Variants in ETNK1 observed in about 807,000 individuals in gnomAD.
ETNK1 encodes the protein ethanolamine kinase 1.
A neutral mutation model predicts 45.1 loss-of-function variants in ETNK1; 8 were observed. The observed-to-expected ratio is 0.18, with a 90% CI of 0.10 to 0.32. The LOEUF is 0.32. Among genes scored for constraint, ETNK1 ranks in the 10% least tolerant of loss-of-function variants. The probability of loss-of-function intolerance (pLI) is 1.00; values close to 1 mark genes in which losing one functional copy is unlikely to be tolerated. For missense variants in ETNK1, 302 were observed against 430.6 expected (o/e 0.70, Z 2.64); for synonymous variants, 152 against 151.9 (o/e 1.00, Z -0.01).
intron 1 of ETNK1, among the ~76,000 whole-genome samples, chr12:22,633,358 C>T (rs1014485966): frequency 5.9e-5 from 9 of 152,314 alleles, no homozygotes; most frequent in South Asian, 2.1e-4. Context: ...CGCAAGCCAC[C>T]GCACCCGGCC....
At chr12:22,682,340 G>A (rs571817755) in intron 6 of ETNK1, 3 of 464,130 alleles carry the variant, frequency 6.5e-6, no homozygotes, top group South Asian at 3.2e-5. Context: ...CACTGAAATG[G>A]CAAGTTATCT....
intron 1 of ETNK1, among the ~76,000 whole-genome samples, chr12:22,628,389 T>TTTATTCTGC (rs1390201464): frequency 6.6e-6 from 1 of 152,132 alleles, no homozygotes; most frequent in African/African-American, 2.4e-5. Flanking sequence ...AAGATTCTGC[T>TTTATTCTGC]TTAAAGTTCC....
rs3983448 is a variant in ETNK1, at chr12:22,686,851, ATTTTTTTTTTTTTTT to A, written c.*1911_*1925del. The A allele has an allele frequency of 5.8e-5, 4 of 69,262 alleles. 1 individual carries two copies. The highest frequency in any genetic ancestry group is 1.1e-4 in the Non-Finnish European group (4 of 36,074). 4.3% of individuals were successfully genotyped at this position (69,262 alleles called of 1,614,324 possible). A position where few individuals can be genotyped will look rare whatever the true frequency, so the allele number is the denominator to read the frequency against. On this transcript the variant is annotated 3_prime_UTR_variant, in exon 8 of 8. Coordinates refer to ENST00000266517, the MANE Select transcript of ETNK1 (RefSeq NM_018638.5). ...AGATAAAGAATGTGTAATACTCTTAATTTTTTTTTTTTTTTTTTTTTTTTTTTTGCTTTCTGCCTT... is the reference window on the plus strand; with the variant it reads ...AGATAAAGAATGTGTAATACTCTTAATTTTTTTTTTTTTGCTTTCTGCCTT...
intron 5 of ETNK1, 60 bp from the exon 6 acceptor site, chr12:22,673,440 A>G (rs911403769): frequency 1.5e-6 from 2 of 1,319,736 alleles, no homozygotes; most frequent in African/African-American, 1.5e-5. Context: ...AGGGATTATT[A>G]AGGTATGCAG....
intron 2 of ETNK1, among the ~76,000 whole-genome samples, chr12:22,657,270 G>T (rs916424426): frequency 6.6e-6 from 1 of 152,134 alleles, no homozygotes; most frequent in African/African-American, 2.4e-5. Flanking sequence ...TGTTTGAGAG[G>T]TATGAACCAA....
At position 22,678,535 on chromosome 12, in the gene ETNK1, T is replaced by TC. The variant is rs1954182645; in HGVS notation, c.945+4879dup. ...TTATTGCCATACAAAGATAGTTTTT[T>TC]CCCCTTAGGTTCACAATGCTTAAAG... On this transcript the variant is annotated intron_variant, in intron 6 of 7. Transcript: ENST00000266517. 3.3e-5 allele frequency among the ~76,000 whole-genome samples: 5 copies of TC among 152,216 alleles called. No homozygotes were observed. In the South Asian group the frequency reaches 1.0e-3, roughly 32 times the overall value.
chr12:22,651,132 A>G (rs561356279), intron 2 of ETNK1, among the ~76,000 whole-genome samples: 3 of 152,324 alleles, frequency 2.0e-5, no homozygotes, highest in Admixed American at 6.5e-5. Flanking sequence ...ACAGGGTTTT[A>G]TAGATTAACT....
chr12:22,671,368 G>A lies in ETNK1; in HGVS notation c.784+13G>A. On this transcript the variant is annotated intron_variant, in intron 5 of 7. Coordinates refer to ENST00000266517, the MANE Select transcript of ETNK1 (RefSeq NM_018638.5). ...AATGAATTTGCAGGTATAACTAATG[G>A]AGTAACTTATTTAGCTTTGAAACGA... The A allele has an allele frequency of 6.8e-7, 1 of 1,464,270 alleles. No homozygotes were observed. Among genetic ancestry groups the A allele is most frequent in the Non-Finnish European group, 9.6e-7 (1 of 1,045,468 alleles). The allele number at this position is 1,464,270 out of a possible 1,614,324, so 90.7% of individuals were successfully genotyped here.
At position 22,688,099 on chromosome 12, in the gene ETNK1, T is replaced by G. The variant is rs764830472; in HGVS notation, c.*3145T>G. 21 of 151,988 alleles carry G rather than the reference T, an allele frequency of 1.4e-4. No individual in the cohort carries two copies. Among genetic ancestry groups the G allele is most frequent in the Non-Finnish European group, 2.2e-4 (15 of 67,752 alleles). The allele number at this position is 151,988 out of a possible 1,614,324, so 9.4% of individuals were successfully genotyped here. ...GTCATGATTCCAAGCTAAAGGAAAT[T>G]AAAAATGTAATTTAATAATTTCCTA... On this transcript the variant is annotated 3_prime_UTR_variant, in exon 8 of 8. Transcript: ENST00000266517.
intron 7 of ETNK1, among the ~76,000 whole-genome samples, 161 bp downstream of exon 7, chr12:22,684,717 C>T (rs1158299079): frequency 6.6e-6 from 1 of 151,880 alleles, no homozygotes; most frequent in South Asian, 2.1e-4. Flanking sequence ...GTTAAGTGCT[C>T]GCAGGATTAG....
intron 2 of ETNK1, among the ~76,000 whole-genome samples, chr12:22,653,182 T>C (rs1361676375): frequency 6.6e-6 from 1 of 152,134 alleles, no homozygotes; most frequent in Non-Finnish European, 1.5e-5. Context: ...TGTGGGTTTG[T>C]TTTTGGGTTC....
At position 22,654,818 on chromosome 12, in the gene ETNK1, AAGT is replaced by A. The variant is rs1353124760; in HGVS notation, c.417-4194_417-4192del. 3.9e-5 allele frequency among the ~76,000 whole-genome samples: 6 copies of A among 152,296 alleles called. No individual in the cohort carries two copies. The South Asian group carries it at 1.2e-3, about 32-fold the overall frequency. On this transcript the variant is annotated intron_variant, in intron 2 of 7. Coordinates refer to ENST00000266517, the MANE Select transcript of ETNK1 (RefSeq NM_018638.5). Reference sequence around the variant, plus strand: ...TGGCAGATGTTTTAAAATTATATAAAAGTAATTCTCATTTTAGCTGTAATTTTA... The same window carrying A: ...TGGCAGATGTTTTAAAATTATATAAAAATTCTCATTTTAGCTGTAATTTTA...
In ETNK1 at chr12:22,625,447, A is replaced by G. The variant is rs1482199671; in HGVS notation, c.17A>G (p.His6Arg). 6.3e-7 allele frequency: 1 copy of G among 1,591,466 alleles called. No individual in the cohort carries two copies. Among genetic ancestry groups the G allele is most frequent in the Non-Finnish European group, 8.5e-7 (1 of 1,169,966 alleles). The change falls in exon 1 of 8, where the codon CAC becomes CGC. Residue 6 changes from histidine (H) to arginine (R), a missense_variant. By Grantham distance (29) the His-to-Arg change is conservative. Around this residue, in one of 3 missense-constraint regions of ETNK1, gnomAD observed 205 missense variants for 259.9 expected, o/e 0.79. Coordinates refer to ENST00000266517, the MANE Select transcript of ETNK1 (RefSeq NM_018638.5). MANYI[H>R]VPPGSPEVPK... ...GCCTGGGCCATGGCCAATTACATCCACGTCCCTCCCGGCTCCCCGGAGGTG... is the reference window on the plus strand; with the variant it reads ...GCCTGGGCCATGGCCAATTACATCCGCGTCCCTCCCGGCTCCCCGGAGGTG...
Position 22,662,175 on chromosome 12 carries a change from C to G in ETNK1, c.700+970C>G, listed in dbSNP as rs1323455686. Among the ~76,000 whole-genome samples, 4 of 146,988 alleles carry G rather than the reference C, an allele frequency of 2.7e-5. No homozygotes were observed. In the East Asian group the frequency reaches 8.3e-4, roughly 31 times the overall value. Reference sequence around the variant, plus strand: ...TTCCGCCTCCCAAGTTCAAGTGATTCTCCTGCCTCAGCCTCCTGAATAGTT... The same window carrying G: ...TTCCGCCTCCCAAGTTCAAGTGATTGTCCTGCCTCAGCCTCCTGAATAGTT... On this transcript the variant is annotated intron_variant, in intron 4 of 7. Transcript: ENST00000266517.
intron 1 of ETNK1, among the ~76,000 whole-genome samples, chr12:22,638,255 GT>G (rs35937176): frequency 0.23 from 32,610 of 142,762 alleles, 3,984 homozygotes; most frequent in Non-Finnish European, 0.32. Context: ...TTAAGGTGGG[GT>G]TTTTTTTTTT....
At chr12:22,626,700 A>C (rs1953503347) in intron 1 of ETNK1, among the ~76,000 whole-genome samples, 3 of 152,232 alleles carry the variant, frequency 2.0e-5, no homozygotes. Flanking sequence ...ATTACCTAGA[A>C]GAGTTTTTAA....
intron 6 of ETNK1, among the ~76,000 whole-genome samples, chr12:22,680,337 A>T (rs941890539): frequency 7.2e-5 from 11 of 152,076 alleles, no homozygotes; most frequent in African/African-American, 2.2e-4. Context: ...TCTGTATATT[A>T]AAAAAGTGAT....
chr12:22,663,108 G>A (rs1253875460), intron 4 of ETNK1, among the ~76,000 whole-genome samples: 1 of 152,148 alleles, frequency 6.6e-6, no homozygotes, highest in Non-Finnish European at 1.5e-5. Flanking sequence ...AAAACATTAA[G>A]TACTTGACAG....
chr12:22,627,803 T>C (rs988577182), intron 1 of ETNK1, among the ~76,000 whole-genome samples: 1 of 152,108 alleles, frequency 6.6e-6, no homozygotes, highest in Non-Finnish European at 1.5e-5. Flanking sequence ...ATACTTTAAA[T>C]GTACTTTAGA....
Sources: gnomAD v4.1 joint callset for allele counts (sites outside exome capture counted in the v4.1 genomes callset) on GRCh38, gnomAD v4.1.1 for gene constraint, gnomAD v4.1.1 regional missense constraint, MANE v1.5 for transcripts, NCBI Gene and HGNC (gene_info 2026-07-23, HGNC 2026-07-21) for gene names.